Variants in GREB1L observed in about 807,000 individuals in gnomAD.
GREB1L encodes GREB1-like protein.
A neutral mutation model predicts 200.8 loss-of-function variants in GREB1L; 17 were observed. That is an observed-to-expected ratio of 0.08 (90% CI 0.06 to 0.13). GREB1L has a LOEUF of 0.13. GREB1L is among the 10% of genes least tolerant of loss of function. GREB1L has a pLI of 1.00. For missense variants in GREB1L, 1,657 were observed against 2,367.7 expected, an observed-to-expected ratio of 0.70 and a Z score of 6.23; for synonymous variants, 789 against 893.0, an observed-to-expected ratio of 0.88 and a Z score of 2.08.
intron 4 of GREB1L, among the ~76,000 whole-genome samples, chr18:21,393,487 G>T (rs1053223387): frequency 1.3e-5 from 2 of 150,040 alleles, no homozygotes; most frequent in Non-Finnish European, 3.0e-5. Flanking sequence ...TTGTTTGTTT[G>T]TTTTTTGAGA....
chr18:21,305,808 A>T (rs2038689841), intron 1 of GREB1L, among the ~76,000 whole-genome samples: 1 of 152,014 alleles, frequency 6.6e-6, no homozygotes, highest in Admixed American at 6.6e-5. Flanking sequence ...CCTTTCACTT[A>T]CTGGCCTTCT....
chr18:21,301,737 G>C (rs536985179), intron 1 of GREB1L, among the ~76,000 whole-genome samples: 1 of 152,090 alleles, frequency 6.6e-6, no homozygotes, highest in Non-Finnish European at 1.5e-5. Flanking sequence ...TAAAACAAAC[G>C]AACTTTTTTT....
At chr18:21,336,118 A>G (rs2039181536) in intron 1 of GREB1L, among the ~76,000 whole-genome samples, 1 of 152,170 alleles carries the variant, frequency 6.6e-6, no homozygotes, top group Non-Finnish European at 1.5e-5. Flanking sequence ...GTGAAAGGTA[A>G]TCACTAGTAG....
At chr18:21,266,947 G>T (rs2037978346) in intron 1 of GREB1L, among the ~76,000 whole-genome samples, 1 of 151,960 alleles carries the variant, frequency 6.6e-6, no homozygotes, top group Non-Finnish European at 1.5e-5. Flanking sequence ...TTTTTCGTTT[G>T]TTTGGAGACA....
chr18:21,382,141 T>TCC, intron 2 of GREB1L, among the ~76,000 whole-genome samples: 1 of 152,138 alleles, frequency 6.6e-6, no homozygotes, highest in East Asian at 1.9e-4. Flanking sequence ...GGTCAGGAGT[T>TCC]TGAGACCAGC....
At chr18:21,367,633 C>T (rs2039725427) in intron 2 of GREB1L, among the ~76,000 whole-genome samples, 3 of 152,070 alleles carry the variant, frequency 2.0e-5, no homozygotes, top group Non-Finnish European at 4.4e-5. Flanking sequence ...TTTTAACTTA[C>T]GAGGAAAATG....
At chr18:21,517,314 T>TA (rs2037454485) in intron 30 of GREB1L, among the ~76,000 whole-genome samples, 1 of 152,208 alleles carries the variant, frequency 6.6e-6, no homozygotes. Context: ...ATTTAAGCCT[T>TA]AACACATCCT....
intron 15 of GREB1L, among the ~76,000 whole-genome samples, chr18:21,464,542 CAAA>C (rs11477392): frequency 7.5e-5 from 5 of 66,428 alleles, no homozygotes; most frequent in East Asian, 7.4e-4. Context: ...GACACCATCT[CAAA>C]AAAAAAAAAA....
chr18:21,366,222 A>G (rs1447421207), intron 2 of GREB1L, 86 bp downstream of exon 2: 5 of 152,200 alleles, frequency 3.3e-5, no homozygotes, highest in Admixed American at 6.5e-5. Flanking sequence ...AAATAAAACT[A>G]CTATGTTTGC....
At chr18:21,404,263 G>A (rs1293942757) in intron 7 of GREB1L, among the ~76,000 whole-genome samples, 1 of 152,140 alleles carries the variant, frequency 6.6e-6, no homozygotes, top group East Asian at 1.9e-4. Flanking sequence ...GGCAATAAGT[G>A]GAAATCCAGA....
chr18:21,349,719 C>CGGAA (rs1251930875), intron 1 of GREB1L, among the ~76,000 whole-genome samples: 3 of 152,054 alleles, frequency 2.0e-5, no homozygotes, highest in African/African-American at 4.8e-5. Context: ...CTGTCACTGT[C>CGGAA]TTCCATCACC....
intron 4 of GREB1L, among the ~76,000 whole-genome samples, chr18:21,392,366 A>T (rs560955739): frequency 6.6e-6 from 1 of 151,760 alleles, no homozygotes; most frequent in Admixed American, 6.6e-5. Flanking sequence ...TTTTTTTCCA[A>T]TGGGTTCCAT....
At chr18:21,391,739 C>T (rs1029276950) in intron 4 of GREB1L, among the ~76,000 whole-genome samples, 13 of 152,198 alleles carry the variant, frequency 8.5e-5, no homozygotes, top group African/African-American at 3.1e-4. Flanking sequence ...AAAATTAATT[C>T]TGTCATTACA....
At chr18:21,415,586 A>T (rs369793649) in intron 7 of GREB1L, among the ~76,000 whole-genome samples, 47 of 152,218 alleles carry the variant, frequency 3.1e-4, no homozygotes, top group Middle Eastern at 3.4e-3. Context: ...AGGAAAAGAA[A>T]AGGAAAGAAA....
chr18:21,356,232 C>G (rs572688861), intron 1 of GREB1L, among the ~76,000 whole-genome samples: 2 of 151,884 alleles, frequency 1.3e-5, no homozygotes, highest in Non-Finnish European at 2.9e-5. Flanking sequence ...AGCTGCCCAC[C>G]TCAGCCTCCC....
chr18:21,243,963 C>T (rs1009381385), intron 1 of GREB1L, among the ~76,000 whole-genome samples: 4 of 152,068 alleles, frequency 2.6e-5, no homozygotes, highest in African/African-American at 9.7e-5. Context: ...TTTTGTATAT[C>T]TTTCCGTAAG....
At chr18:21,454,715 T>C (rs1366931927) in intron 15 of GREB1L, 152 bp downstream of exon 15, 1 of 683,506 alleles carries the variant, frequency 1.5e-6, no homozygotes, top group Admixed American at 2.5e-5. Flanking sequence ...TGGGTTTATC[T>C]GAAGTTTTCC....
chr18:21,362,291 C>G (rs1033483155), intron 1 of GREB1L, among the ~76,000 whole-genome samples: 1 of 152,002 alleles, frequency 6.6e-6, no homozygotes, highest in African/African-American at 2.4e-5. Context: ...AACCTCCTCC[C>G]CACAAGTAAT....
At chr18:21,347,949 T>C (rs2039375155) in intron 1 of GREB1L, among the ~76,000 whole-genome samples, 1 of 124,884 alleles carries the variant, frequency 8.0e-6, no homozygotes, top group African/African-American at 3.1e-5. Context: ...TTTTTTTTTT[T>C]TTTTTTTTTT....
Sources: allele counts gnomAD v4.1 joint callset (sites outside exome capture counted in the v4.1 genomes callset), GRCh38; gene constraint gnomAD v4.1.1; transcripts MANE v1.5; gene names NCBI Gene and HGNC (gene_info 2026-07-23, HGNC 2026-07-21).